KCNQ1: variants seen among roughly 807,000 people sequenced by gnomAD.
KCNQ1 encodes the protein potassium voltage-gated channel subfamily KQT member 1.
In KCNQ1, 49 loss-of-function variants were observed where a neutral mutation model predicts 72.4. The observed-to-expected ratio is 0.68, with a 90% CI of 0.54 to 0.86. KCNQ1 has a LOEUF of 0.86. KCNQ1 is among the 40% of genes least tolerant of loss of function. KCNQ1 has a pLI of 0.00. For synonymous variants in KCNQ1, 450 were observed against 412.6 expected (o/e 1.09, Z -1.10); for missense variants, 790 against 945.1 (o/e 0.84, Z 2.15).
intron 10 of KCNQ1, chr11:2,630,623 C>A: frequency 2.5e-6 from 1 of 398,232 alleles, no homozygotes; most frequent in Non-Finnish European, 4.4e-6. Flanking sequence ...TATATACTAC[C>A]ATTACACTAT....
intron 13 of KCNQ1, 125 bp downstream of exon 13, chr11:2,776,179 C>T: frequency 1.2e-6 from 1 of 809,770 alleles, no homozygotes; most frequent in African/African-American, 1.7e-5. Flanking sequence ...CTCAACCACC[C>T]CCTTCTCCTC....
chr11:2,585,077 G>C, intron 7 of KCNQ1, 135 bp from the exon 8 acceptor site: 1 of 784,888 alleles, frequency 1.3e-6, no homozygotes, highest in Admixed American at 1.8e-5. Context: ...CTGGGCCCGA[G>C]GTGGGACTTG....
rs887367383 is a variant in KCNQ1 at position 2,723,385 on chromosome 11, A to G, written c.1515-45459A>G. Among the ~76,000 whole-genome samples the G allele has an allele frequency of 6.6e-6, 1 of 152,208 alleles. No individual in the cohort carries two copies. The highest frequency in any genetic ancestry group is 2.4e-5 in the African/African-American group (1 of 41,462). ...TCCGTCTCAGAGCCTTGGTGTCCCC[A>G]TCTGTAAAGTGGGATGTGACAATAC... On this transcript the variant is annotated intron_variant, in intron 11 of 15. Transcript: ENST00000155840. The surrounding 1 kb of genome is among the most constrained non-coding windows in gnomAD (Gnocchi z 4.2).
In KCNQ1 at chr11:2,583,423, C is replaced by T. The variant is rs1243187396; in HGVS notation, c.922-12C>T. ...TCCCATCCGTGGCTGACCACTGTCCCTCTCCCTGCAGGTCACAGTCACCAC... is the reference window on the plus strand; with the variant it reads ...TCCCATCCGTGGCTGACCACTGTCCTTCTCCCTGCAGGTCACAGTCACCAC... On this transcript the variant is annotated splice_polypyrimidine_tract_variant and intron_variant, in intron 6 of 15. Coordinates refer to ENST00000155840, the MANE Select transcript of KCNQ1 (RefSeq NM_000218.3). The T allele has an allele frequency of 1.9e-6, 3 of 1,600,078 alleles. No individual in the cohort carries two copies. The highest frequency in any genetic ancestry group is 1.7e-6 in the Non-Finnish European group (2 of 1,167,630).
chr11:2,659,268 CT>C lies in KCNQ1; in HGVS notation c.1394-2692del, dbSNP rs548222240. ...GTGAGTCTTTTGAAGTCAAGTACTT[CT>C]CCCCTAACCACTGGCAGCTATTGAT... On this transcript the variant is annotated intron_variant, in intron 10 of 15. Transcript: ENST00000155840. The surrounding 1 kb of genome is among the most constrained non-coding windows in gnomAD (Gnocchi z 4.3). 15 of 398,636 alleles carry C rather than the reference CT, an allele frequency of 3.8e-5. No individual in the cohort carries two copies. The South Asian group carries it at 1.9e-3, about 51-fold the overall frequency. The allele number at this position is 398,636 out of a possible 1,614,324, so 24.7% of individuals were successfully genotyped here.
Position 2,745,268 on chromosome 11 carries a change from C to T in KCNQ1, c.1515-23576C>T, listed in dbSNP as rs1189452623. Reference sequence around the variant, plus strand: ...GAGTCTCTCTCATGTTGCGTTTTCTCCTCCAAGAACAAGGAGTCTCTCTGC... The same window carrying T: ...GAGTCTCTCTCATGTTGCGTTTTCTTCTCCAAGAACAAGGAGTCTCTCTGC... On this transcript the variant is annotated intron_variant, in intron 11 of 15. Coordinates refer to ENST00000155840, the MANE Select transcript of KCNQ1 (RefSeq NM_000218.3). The surrounding 1 kb of genome is among the most constrained non-coding windows in gnomAD (Gnocchi z 6.2). Among the ~76,000 whole-genome samples the T allele has an allele frequency of 6.6e-6, 1 of 152,168 alleles. No homozygotes were observed. Among genetic ancestry groups the T allele is most frequent in the East Asian group, 1.9e-4 (1 of 5,198 alleles).
At chr11:2,553,144 G>A (rs556365528) in intron 2 of KCNQ1, among the ~76,000 whole-genome samples, 1 of 140,012 alleles carries the variant, frequency 7.1e-6, no homozygotes, top group East Asian at 2.1e-4. Flanking sequence ...TTGTTCATCT[G>A]TTTTTGGGGT....
At chr11:2,758,885 G>A (rs1846344060) in intron 11 of KCNQ1, among the ~76,000 whole-genome samples, 1 of 152,188 alleles carries the variant, frequency 6.6e-6, no homozygotes. Context: ...TCCTGGGGTT[G>A]GGAATGGTGA....
chr11:2,733,822 A>ACTCTCT (rs71029156), intron 11 of KCNQ1, among the ~76,000 whole-genome samples: 4 of 92,472 alleles, frequency 4.3e-5, no homozygotes, highest in East Asian at 3.1e-4. Flanking sequence ...ACACTCTCTC[A>ACTCTCT]CTCTCTCTCT....
chr11:2,615,164 T>G (rs964206844), intron 10 of KCNQ1: 1 of 398,262 alleles, frequency 2.5e-6, no homozygotes. Flanking sequence ...CTATTGTAAG[T>G]GGAATTTTAA....
In KCNQ1 at chr11:2,610,334, C is replaced by T. The variant is rs144313257; in HGVS notation, c.1393+21480C>T. On this transcript the variant is annotated intron_variant, in intron 10 of 15. Coordinates refer to ENST00000155840, the MANE Select transcript of KCNQ1 (RefSeq NM_000218.3). ...TTACATATATTACATCTTTATTATG[C>T]GCTATTATAATGATCATACTATATA... 1,336 of 397,924 alleles carry T rather than the reference C, an allele frequency of 3.4e-3. 1 individual carries two copies. The highest frequency in any genetic ancestry group is 3.2e-3 in the Non-Finnish European group (715 of 225,812). The allele number at this position is 397,924 out of a possible 1,614,324, so 24.6% of individuals were successfully genotyped here. A position where few individuals can be genotyped will look rare whatever the true frequency, so the allele number is the denominator to read the frequency against.
At chr11:2,523,262 C>T (rs542663449) in intron 1 of KCNQ1, among the ~76,000 whole-genome samples, 64 of 151,616 alleles carry the variant, frequency 4.2e-4, no homozygotes, top group African/African-American at 1.6e-3. Context: ...GGCGCGATCT[C>T]GGCTCACTGC....
chr11:2,649,785 G>A (rs1481273601), intron 10 of KCNQ1: 1 of 398,452 alleles, frequency 2.5e-6, no homozygotes, highest in Non-Finnish European at 4.4e-6. Flanking sequence ...CCCTTTTAGG[G>A]TTGAATCTAT....
At position 2,468,865 on chromosome 11, in the gene KCNQ1, CTG is replaced by C. The variant is rs58560659; in HGVS notation, c.386+23384_386+23385del. On this transcript the variant is annotated intron_variant, in intron 1 of 15. Transcript: ENST00000155840. This position sits in a 1 kb window ranked among gnomAD's most constrained non-coding sequence, Gnocchi z 5.7. ...ATACTGCTAGGAATAGCTGGAGTCT[CTG>C]TGCGAGCAAATGCTTTTGCTTCTCT... Among the ~76,000 whole-genome samples the C allele has an allele frequency of 0.082, 12,407 of 152,194 alleles. 678 individuals carry two copies. The highest frequency in any genetic ancestry group is 0.25 in the East Asian group (1,285 of 5,172).
In KCNQ1 at chr11:2,478,830, C is replaced by T. The variant is rs997330657; in HGVS notation, c.386+33346C>T. Among the ~76,000 whole-genome samples, 1 of 152,194 alleles carries T rather than the reference C, an allele frequency of 6.6e-6. No individual in the cohort carries two copies. Among genetic ancestry groups the T allele is most frequent in the African/African-American group, 2.4e-5 (1 of 41,450 alleles). On this transcript the variant is annotated intron_variant, in intron 1 of 15. Transcript: ENST00000155840. The surrounding 1 kb of genome is among the most constrained non-coding windows in gnomAD (Gnocchi z 4.0). ...CTGCAGTCCAAAGTCTCATCTGAGACCAGGCAAGTCCCTTCCACCTATGAG... is the reference window on the plus strand; with the variant it reads ...CTGCAGTCCAAAGTCTCATCTGAGATCAGGCAAGTCCCTTCCACCTATGAG...
Position 2,541,586 on chromosome 11 carries a change from C to A in KCNQ1, c.477+13568C>A, listed in dbSNP as rs190246879. ...ATTGAGGACAAAGCCATGGGGACGC[C>A]GTTTTCGGGATGCTTGTGAGCAGGG... On this transcript the variant is annotated intron_variant, in intron 2 of 15. Transcript: ENST00000155840. The surrounding 1 kb of genome is among the most constrained non-coding windows in gnomAD (Gnocchi z 4.8). 2.0e-4 allele frequency among the ~76,000 whole-genome samples: 30 copies of A among 151,966 alleles called. No individual in the cohort carries two copies. The East Asian group carries it at 2.9e-3, about 15-fold the overall frequency.
intron 10 of KCNQ1, chr11:2,655,672 T>TTGGGGGGGGGGGGGGGGGGCG: frequency 2.6e-6 from 1 of 389,748 alleles, no homozygotes; most frequent in Non-Finnish European, 4.5e-6. Context: ...AAGAGCTGAA[T>TTGGGGGGGGGGGGGGGGGGCG]CCCCACCCAC....
chr11:2,569,882 G>A (rs1028074581), intron 2 of KCNQ1, among the ~76,000 whole-genome samples: 3 of 152,184 alleles, frequency 2.0e-5, no homozygotes, highest in African/African-American at 4.8e-5. Flanking sequence ...ATCCAGCTCC[G>A]AGGGTCTTCT....
chr11:2,584,019 A>G (rs2133751751), intron 7 of KCNQ1, among the ~76,000 whole-genome samples: 1 of 151,252 alleles, frequency 6.6e-6, no homozygotes, highest in East Asian at 1.9e-4. Context: ...GTATGTGCAT[A>G]ATATGTGTTT....
Sources: allele counts gnomAD v4.1 joint callset (sites outside exome capture counted in the v4.1 genomes callset), GRCh38; gene constraint gnomAD v4.1.1; non-coding constraint Gnocchi (gnomAD v3.1); transcripts MANE v1.5; gene names NCBI Gene and HGNC (gene_info 2026-07-23, HGNC 2026-07-21).